FBXL20: variants seen among roughly 807,000 people sequenced by gnomAD.
FBXL20 encodes F-box/LRR-repeat protein 20.
A neutral mutation model predicts 64.0 loss-of-function variants in FBXL20; 11 were observed. The observed-to-expected ratio is 0.17, with a 90% confidence interval of 0.11 to 0.28. The LOEUF (loss-of-function observed/expected upper bound fraction) is 0.28, where lower values mean the gene tolerates loss of function less well. Among genes scored for constraint, FBXL20 ranks in the 10% least tolerant of loss-of-function variants. The probability of loss-of-function intolerance (pLI) is 1.00; values close to 1 mark genes in which losing one functional copy is unlikely to be tolerated. For synonymous variants in FBXL20, 184 were observed against 189.0 expected (o/e 0.97, Z 0.22); for missense variants, 303 against 526.2 (o/e 0.58, Z 4.15).
chr17:39,261,353 T>C lies in FBXL20; in HGVS notation c.*107A>G, dbSNP rs2144330297. ...ATCTGGACACTGCCCTCCCTCACTT[T>C]GTAACCCTTGCTCAGAACACTGGGG... On this transcript the variant is annotated 3_prime_UTR_variant, in exon 15 of 15. Coordinates refer to ENST00000264658, the MANE Select transcript of FBXL20 (RefSeq NM_032875.3). 2 of 911,094 alleles carry C rather than the reference T, an allele frequency of 2.2e-6. No homozygotes were observed. Among genetic ancestry groups the C allele is most frequent in the East Asian group, 2.4e-5 (1 of 40,978 alleles). 56.4% of individuals were successfully genotyped at this position (911,094 alleles called of 1,614,324 possible).
intron 1 of FBXL20, among the ~76,000 whole-genome samples, chr17:39,363,703 T>C (rs1182709020): frequency 6.7e-6 from 1 of 150,052 alleles, no homozygotes; most frequent in Non-Finnish European, 1.5e-5. Context: ...CCCAGCTACT[T>C]GGGAGGAAGA....
chr17:39,351,334 C>G (rs1313206073), intron 1 of FBXL20, among the ~76,000 whole-genome samples: 1 of 125,858 alleles, frequency 7.9e-6, no homozygotes, highest in Non-Finnish European at 1.6e-5. Context: ...GAAACTCTGT[C>G]TCACCAAAAA....
At chr17:39,309,884 C>A (rs1324973715) in intron 2 of FBXL20, among the ~76,000 whole-genome samples, 1 of 150,790 alleles carries the variant, frequency 6.6e-6, no homozygotes, top group East Asian at 1.9e-4. Flanking sequence ...TGTGGTGGCT[C>A]ACACCTGTAA....
chr17:39,321,124 T>C (rs937438173), intron 2 of FBXL20, among the ~76,000 whole-genome samples: 1 of 150,934 alleles, frequency 6.6e-6, no homozygotes, highest in African/African-American at 2.5e-5. Flanking sequence ...ATACTCCCAG[T>C]ATATTTTTGA....
At chr17:39,297,311 T>C (rs1597782879) in intron 5 of FBXL20, 116 bp from the exon 6 acceptor site, 2 of 543,030 alleles carry the variant, frequency 3.7e-6, no homozygotes, top group Non-Finnish European at 6.4e-6. Context: ...TGTGATACTG[T>C]GATATAAAGG....
chr17:39,395,382 C>A (rs2048173310), intron 1 of FBXL20, among the ~76,000 whole-genome samples: 1 of 152,186 alleles, frequency 6.6e-6, no homozygotes. Context: ...CAAGATCATG[C>A]CACTGCACTC....
At chr17:39,286,867 C>CCA (rs2046993002) in intron 6 of FBXL20, among the ~76,000 whole-genome samples, 1 of 151,720 alleles carries the variant, frequency 6.6e-6, no homozygotes, top group South Asian at 2.1e-4. Flanking sequence ...AAAGCCAATT[C>CCA]CACACATATC....
intron 1 of FBXL20, among the ~76,000 whole-genome samples, chr17:39,345,237 C>G (rs959061162): frequency 6.6e-6 from 1 of 152,068 alleles, no homozygotes; most frequent in Non-Finnish European, 1.5e-5. Context: ...AGCTCTTGCA[C>G]TACAATGAAG....
intron 1 of FBXL20, among the ~76,000 whole-genome samples, chr17:39,394,738 T>G (rs898387547): frequency 6.6e-6 from 1 of 151,970 alleles, no homozygotes; most frequent in African/African-American, 2.4e-5. Context: ...TTTGTATTTT[T>G]ATTAGAGACA....
At chr17:39,299,389 G>T (rs967253233) in intron 4 of FBXL20, among the ~76,000 whole-genome samples, 3 of 152,148 alleles carry the variant, frequency 2.0e-5, no homozygotes, top group Non-Finnish European at 4.4e-5. Flanking sequence ...TTAAGCTGCA[G>T]CTACTGAAAG....
chr17:39,402,223 TC>T (rs1318770164), upstream of FBXL20: 12 of 1,231,858 alleles, frequency 9.7e-6, no homozygotes, highest in Non-Finnish European at 1.1e-5. Context: ...GGAGCCATTT[TC>T]CTCCTCTTCT....
chr17:39,361,715 T>C (rs947110345), intron 1 of FBXL20, among the ~76,000 whole-genome samples: 3 of 151,968 alleles, frequency 2.0e-5, no homozygotes, highest in African/African-American at 7.3e-5. Context: ...GAGAACTGCT[T>C]GAACCTGGGA....
At chr17:39,302,987 C>T (rs1053351841) in intron 3 of FBXL20, among the ~76,000 whole-genome samples, 4 of 151,304 alleles carry the variant, frequency 2.6e-5, no homozygotes, top group African/African-American at 9.7e-5. Context: ...TCTCGGCTCA[C>T]TGCAAGCTCC....
intron 1 of FBXL20, among the ~76,000 whole-genome samples, chr17:39,363,755 G>A (rs1444794692): frequency 2.2e-5 from 3 of 133,644 alleles, no homozygotes; most frequent in Non-Finnish European, 3.1e-5. Context: ...AGGCTGCAAT[G>A]AGCTGTGATC....
intron 4 of FBXL20, among the ~76,000 whole-genome samples, chr17:39,300,770 T>A (rs1454542674): frequency 6.6e-6 from 1 of 152,242 alleles, no homozygotes; most frequent in African/African-American, 2.4e-5. Flanking sequence ...CAAAGAGTCC[T>A]ATTTAGTCCT....
chr17:39,352,064 C>A (rs1191228379), intron 1 of FBXL20, among the ~76,000 whole-genome samples: 1 of 152,164 alleles, frequency 6.6e-6, no homozygotes, highest in Non-Finnish European at 1.5e-5. Context: ...CACGCTATTA[C>A]TTTTGCCTTT....
chr17:39,381,067 G>A (rs1054272451), intron 1 of FBXL20, among the ~76,000 whole-genome samples: 3 of 152,068 alleles, frequency 2.0e-5, no homozygotes, highest in African/African-American at 7.2e-5. Flanking sequence ...GGCTGAAGCA[G>A]GAGACTCACT....
chr17:39,378,522 C>A (rs986554385), intron 1 of FBXL20, among the ~76,000 whole-genome samples: 7 of 152,020 alleles, frequency 4.6e-5, no homozygotes, highest in African/African-American at 1.7e-4. Flanking sequence ...AACAGGCACA[C>A]AAAAAGATGG....
chr17:39,297,028 G>T, intron 6 of FBXL20, 99 bp downstream of exon 6: 2 of 656,016 alleles, frequency 3.0e-6, no homozygotes, highest in East Asian at 5.6e-5. Flanking sequence ...ACAAAACCAA[G>T]ATAAAATTTG....
Sources: gnomAD v4.1 joint callset for allele counts (sites outside exome capture counted in the v4.1 genomes callset) on GRCh38, gnomAD v4.1.1 for gene constraint, MANE v1.5 for transcripts, NCBI Gene and HGNC (gene_info 2026-07-23, HGNC 2026-07-21) for gene names.